CTNNA3: variants seen among roughly 807,000 people sequenced by gnomAD.
CTNNA3 encodes the protein catenin alpha 3, also known as catenin alpha-3.
In CTNNA3, 76 loss-of-function variants were observed where a neutral mutation model predicts 95.7. The ratio of observed to expected loss-of-function variants is 0.79; its 90% CI spans 0.66 to 0.96. The LOEUF (loss-of-function observed/expected upper bound fraction) is 0.96, where lower values mean the gene tolerates loss of function less well. CTNNA3 is among the 40% of genes least tolerant of loss of function. CTNNA3 has a pLI of 0.00. For missense variants in CTNNA3, 1,191 were observed against 1,089.8 expected, an observed-to-expected ratio of 1.09 and a Z score of -1.31; for synonymous variants, 431 against 374.4, an observed-to-expected ratio of 1.15 and a Z score of -1.74.
intron 11 of CTNNA3, among the ~76,000 whole-genome samples, chr10:66,457,058 C>A (rs1047625127): frequency 1.3e-5 from 2 of 152,022 alleles, no homozygotes; most frequent in African/African-American, 4.8e-5. Flanking sequence ...TGTACCACCC[C>A]ACTCCAGCCT....
intron 7 of CTNNA3, among the ~76,000 whole-genome samples, chr10:66,795,081 T>C (rs1319697031): frequency 6.6e-6 from 1 of 152,168 alleles, no homozygotes; most frequent in Non-Finnish European, 1.5e-5. Flanking sequence ...AATCAACTTC[T>C]TCCAAATGCC....
At chr10:67,254,762 G>A (rs553187779) in intron 5 of CTNNA3, among the ~76,000 whole-genome samples, 1 of 152,290 alleles carries the variant, frequency 6.6e-6, no homozygotes, top group African/African-American at 2.4e-5. Flanking sequence ...GTAACATGCT[G>A]TACAGGTTTG....
chr10:66,990,766 A>G (rs1206235906), intron 7 of CTNNA3, among the ~76,000 whole-genome samples: 1 of 152,218 alleles, frequency 6.6e-6, no homozygotes, highest in Non-Finnish European at 1.5e-5. Flanking sequence ...CTACTTGATA[A>G]TGTTCATAAA....
chr10:67,425,150 A>G (rs1845875110), intron 5 of CTNNA3, among the ~76,000 whole-genome samples: 1 of 152,098 alleles, frequency 6.6e-6, no homozygotes, highest in Non-Finnish European at 1.5e-5. Flanking sequence ...CAACATAGCA[A>G]AACTAAAAGA....
At chr10:67,665,182 A>G (rs1057056679) in intron 1 of CTNNA3, among the ~76,000 whole-genome samples, 4 of 152,166 alleles carry the variant, frequency 2.6e-5, no homozygotes, top group Admixed American at 2.0e-4. Flanking sequence ...TTTTAAAACC[A>G]CTAATAAACA....
intron 17 of CTNNA3, among the ~76,000 whole-genome samples, chr10:65,960,550 G>A (rs113605575): frequency 0.024 from 3,660 of 152,180 alleles, 144 homozygotes; most frequent in African/African-American, 0.084. Context: ...GATTCAGGGG[G>A]TACATGTGCA....
chr10:67,751,626 A>G (rs1470790455), intron 1 of CTNNA3, among the ~76,000 whole-genome samples: 1 of 152,186 alleles, frequency 6.6e-6, no homozygotes, highest in Admixed American at 6.5e-5. Flanking sequence ...AAAACTGATG[A>G]AGGAGATATC....
intron 7 of CTNNA3, among the ~76,000 whole-genome samples, chr10:67,042,121 G>A (rs1371714846): frequency 6.6e-6 from 1 of 152,166 alleles, no homozygotes; most frequent in Non-Finnish European, 1.5e-5. Flanking sequence ...AACTATGAAA[G>A]AAGAGGATTT....
intron 1 of CTNNA3, among the ~76,000 whole-genome samples, chr10:67,725,772 C>T (rs1203521505): frequency 1.3e-5 from 2 of 151,134 alleles, no homozygotes; most frequent in African/African-American, 4.9e-5. Context: ...AGGCAAAAGG[C>T]TTAAGAAGAT....
intron 17 of CTNNA3, among the ~76,000 whole-genome samples, chr10:65,955,979 G>C (rs920775589): frequency 5.3e-5 from 8 of 152,118 alleles, no homozygotes; most frequent in Non-Finnish European, 2.9e-5. Context: ...GCTCCTCTTT[G>C]TGCCTCTGGG....
intron 5 of CTNNA3, among the ~76,000 whole-genome samples, chr10:67,319,515 A>T (rs1467382542): frequency 7.2e-5 from 11 of 152,150 alleles, no homozygotes. Context: ...TAAGAAAGTT[A>T]ATGGAGCTCC....
chr10:67,644,307 T>A (rs1023586288), intron 2 of CTNNA3, among the ~76,000 whole-genome samples: 54 of 152,288 alleles, frequency 3.5e-4, no homozygotes, highest in Middle Eastern at 3.4e-3. Context: ...TTTTTTCATA[T>A]GTTTGTTGGC....
chr10:66,298,566 T>G (rs2091816098), intron 12 of CTNNA3, among the ~76,000 whole-genome samples: 1 of 152,172 alleles, frequency 6.6e-6, no homozygotes, highest in Non-Finnish European at 1.5e-5. Flanking sequence ...TCCATCACCC[T>G]TTCTTCCAGC....
chr10:66,818,076 C>A (rs960677869), intron 7 of CTNNA3, among the ~76,000 whole-genome samples: 5 of 134,638 alleles, frequency 3.7e-5, no homozygotes, highest in South Asian at 2.4e-4. Flanking sequence ...AATAATCCAA[C>A]GCTCTTTTAT....
chr10:67,738,966 T>C (rs181955380), intron 1 of CTNNA3, among the ~76,000 whole-genome samples: 52 of 152,264 alleles, frequency 3.4e-4, no homozygotes, highest in African/African-American at 8.7e-4. Flanking sequence ...CTATATCTGA[T>C]TGGTGTACCT....
chr10:66,311,569 C>T lies in CTNNA3; in HGVS notation c.1733-30948G>A, dbSNP rs140510135. Among the ~76,000 whole-genome samples, 186 of 152,314 alleles carry T rather than the reference C, an allele frequency of 1.2e-3. 1 individual carries two copies. Among genetic ancestry groups the T allele is most frequent in the African/African-American group, 4.2e-3 (176 of 41,564 alleles). On this transcript the variant is annotated intron_variant, in intron 12 of 17. Transcript: ENST00000433211. ...GCATGGTGCTTTACTTCACTTAGTACAGTGACAGGGCCTTGACCCGCAAGC... is the reference window on the plus strand; with the variant it reads ...GCATGGTGCTTTACTTCACTTAGTATAGTGACAGGGCCTTGACCCGCAAGC...
chr10:66,780,672 G>GTCAACTACTGTTTTTCACATT (rs1840497868), intron 7 of CTNNA3, among the ~76,000 whole-genome samples: 1 of 152,148 alleles, frequency 6.6e-6, no homozygotes. Context: ...CTCACTAGAT[G>GTCAACTACTGTTTTTCACATT]GTATGATCCT....
intron 10 of CTNNA3, among the ~76,000 whole-genome samples, chr10:66,612,863 C>T (rs2605503): frequency 0.45 from 68,143 of 151,906 alleles, 15,873 homozygotes; most frequent in Middle Eastern, 0.66. Context: ...TGTGGGCTCT[C>T]CCTGTGTCCC....
intron 7 of CTNNA3, among the ~76,000 whole-genome samples, chr10:67,111,998 A>G (rs2131971832): frequency 1.3e-5 from 2 of 152,236 alleles, no homozygotes; most frequent in South Asian, 4.1e-4. Context: ...TCACTTCAGT[A>G]ATTTTTAGCC....
Sources: gnomAD v4.1 joint callset for allele counts (sites outside exome capture counted in the v4.1 genomes callset) on GRCh38, gnomAD v4.1.1 for gene constraint, MANE v1.5 for transcripts, NCBI Gene and HGNC (gene_info 2026-07-23, HGNC 2026-07-21) for gene names.